Variants in COL28A1 observed in about 807,000 individuals in gnomAD.
COL28A1 encodes collagen type XXVIII alpha 1 chain.
A neutral mutation model predicts 150.2 loss-of-function variants in COL28A1; 161 were observed. The ratio of observed to expected loss-of-function variants is 1.07; its 90% CI spans 0.94 to 1.22. The LOEUF (loss-of-function observed/expected upper bound fraction) is 1.22, where lower values mean the gene tolerates loss of function less well. COL28A1 is among the 50% of genes most tolerant of loss of function. The probability of loss-of-function intolerance (pLI) is 0.00; values close to 1 mark genes in which losing one functional copy is unlikely to be tolerated. For missense variants in COL28A1, 1,617 were observed against 1,388.3 expected, an observed-to-expected ratio of 1.16 and a Z score of -2.62; for synonymous variants, 552 against 469.7, an observed-to-expected ratio of 1.18 and a Z score of -2.26.
intron 33 of COL28A1, among the ~76,000 whole-genome samples, chr7:7,362,850 G>C (rs964534354): frequency 1.3e-5 from 2 of 151,920 alleles, no homozygotes; most frequent in East Asian, 1.9e-4. Context: ...AAACTTTCTT[G>C]GTCCCTTATT....
Position 7,419,942 on chromosome 7 carries a change from C to G in COL28A1, c.2010G>C (p.Gly670=), listed in dbSNP as rs944420979. ...CAGAAGGACCTGGAGGGCCTCTGAC[C>G]CCAGGCTCTCCCTGAAAAGACACAA... is the stretch of plus-strand genomic sequence containing the variant. The part of the protein sequence containing the change: ...VGDTGAKGEP[G]VRGPPGPSGP... The change falls in exon 26 of 35, where the codon GGG becomes GGC. Residue 670 remains glycine, a synonymous_variant. Transcript: ENST00000399429. 1 of 1,589,432 alleles carries G rather than the reference C, an allele frequency of 6.3e-7. No homozygotes were observed. The highest frequency in any genetic ancestry group is 1.8e-5 in the Admixed American group (1 of 54,762).
In COL28A1 at chr7:7,357,960, C is replaced by T. The variant is rs1160439069; in HGVS notation, c.*673G>A. ...ATATTTTAATGGAAGGGTATAAAAACCTTCTTTGTTTTAACATACATTAAA... is the reference window on the plus strand; with the variant it reads ...ATATTTTAATGGAAGGGTATAAAAATCTTCTTTGTTTTAACATACATTAAA... On this transcript the variant is annotated 3_prime_UTR_variant, in exon 35 of 35. Coordinates refer to ENST00000399429, the MANE Select transcript of COL28A1 (RefSeq NM_001037763.3). The T allele has an allele frequency of 6.6e-6, 1 of 151,972 alleles. No individual in the cohort carries two copies. The highest frequency in any genetic ancestry group is 1.5e-5 in the Non-Finnish European group (1 of 68,038). The allele number at this position is 151,972 out of a possible 1,614,324, so 9.4% of individuals were successfully genotyped here. A position where few individuals can be genotyped will look rare whatever the true frequency, so the allele number is the denominator to read the frequency against.
At chr7:7,482,620 G>T (rs1181094765) in intron 13 of COL28A1, among the ~76,000 whole-genome samples, 3 of 151,434 alleles carry the variant, frequency 2.0e-5, no homozygotes, top group African/African-American at 7.3e-5. Context: ...TCCTACCTTT[G>T]TTATGATTTT....
At chr7:7,451,922 T>G (rs1254800125) in intron 18 of COL28A1, among the ~76,000 whole-genome samples, 1 of 152,194 alleles carries the variant, frequency 6.6e-6, no homozygotes, top group East Asian at 1.9e-4. Context: ...AATGGTGAAG[T>G]TGAGCGCTCA....
chr7:7,438,604 G>A (rs1372162101), intron 21 of COL28A1, among the ~76,000 whole-genome samples: 2 of 151,984 alleles, frequency 1.3e-5, no homozygotes, highest in East Asian at 3.9e-4. Context: ...TGACCCACTG[G>A]GATATAAAGA....
At chr7:7,440,194 C>T (rs375388622) in intron 21 of COL28A1, among the ~76,000 whole-genome samples, 112 of 152,334 alleles carry the variant, frequency 7.4e-4, no homozygotes, top group African/African-American at 2.6e-3. Context: ...CATAGATCCC[C>T]TACTTCCCAT....
intron 33 of COL28A1, among the ~76,000 whole-genome samples, chr7:7,364,732 C>G (rs1303852002): frequency 6.6e-6 from 1 of 152,016 alleles, no homozygotes; most frequent in African/African-American, 2.4e-5. Flanking sequence ...AAAAAAATTT[C>G]CTCCCCTCCA....
chr7:7,360,123 C>T (rs1053331274), intron 34 of COL28A1, among the ~76,000 whole-genome samples: 1 of 152,112 alleles, frequency 6.6e-6, no homozygotes, highest in African/African-American at 2.4e-5. Context: ...CCTCTAAAGG[C>T]ATTCAAATTA....
intron 15 of COL28A1, among the ~76,000 whole-genome samples, chr7:7,465,520 G>A (rs1364264944): frequency 2.9e-5 from 4 of 138,632 alleles, no homozygotes; most frequent in Non-Finnish European, 4.7e-5. Flanking sequence ...CGGCAACGAG[G>A]CTGGGGGAGG....
At chr7:7,438,945 T>G (rs1014837919) in intron 21 of COL28A1, among the ~76,000 whole-genome samples, 7 of 152,206 alleles carry the variant, frequency 4.6e-5, no homozygotes, top group African/African-American at 1.7e-4. Context: ...AAATATTTAC[T>G]ATCTGGACCT....
chr7:7,372,398 AAAATAAAT>A lies in COL28A1; in HGVS notation c.2908+592_2908+599del, dbSNP rs3067784. Among the ~76,000 whole-genome samples, 552 of 133,708 alleles carry A rather than the reference AAAATAAAT, an allele frequency of 4.1e-3. 2 individuals carry two copies. The highest frequency in any genetic ancestry group is 9.3e-3 in the African/African-American group (302 of 32,428). 87.7% of individuals were successfully genotyped at this position (133,708 alleles called of 152,430 possible). ...TGGTGACAGAGTGAGACTCCGTCTC[AAAATAAAT>A]AAATAAATAAATAAATAAATAAATA... On this transcript the variant is annotated intron_variant, in intron 32 of 34. Transcript: ENST00000399429.
chr7:7,441,405 C>T (rs1189987264), intron 20 of COL28A1, among the ~76,000 whole-genome samples: 2 of 151,698 alleles, frequency 1.3e-5, no homozygotes, highest in African/African-American at 4.8e-5. Flanking sequence ...TAGATGTTGC[C>T]CAGCAGGGTT....
chr7:7,369,486 A>G (rs1781107518), intron 33 of COL28A1, among the ~76,000 whole-genome samples: 1 of 152,268 alleles, frequency 6.6e-6, no homozygotes, highest in Admixed American at 6.5e-5. Context: ...GGCCCTTTAC[A>G]GGGTTTGCTG....
At chr7:7,428,353 A>G (rs908788142) in intron 25 of COL28A1, among the ~76,000 whole-genome samples, 15 of 152,118 alleles carry the variant, frequency 9.9e-5, no homozygotes, top group Admixed American at 9.8e-4. Context: ...GGCCTGAAAA[A>G]AGCTAAGAGA....
chr7:7,492,030 TTA>T (rs1398390795), intron 11 of COL28A1, among the ~76,000 whole-genome samples: 9 of 152,184 alleles, frequency 5.9e-5, no homozygotes, highest in African/African-American at 2.2e-4. Context: ...TGAACACTCT[TTA>T]TGTTTCAGCT....
chr7:7,522,540 T>C (rs775121563), intron 4 of COL28A1, among the ~76,000 whole-genome samples: 1 of 152,166 alleles, frequency 6.6e-6, no homozygotes, highest in Non-Finnish European at 1.5e-5. Context: ...ACAAAGTAGT[T>C]GCTTTTTGCA....
intron 27 of COL28A1, among the ~76,000 whole-genome samples, chr7:7,384,190 G>T (rs778755089): frequency 1.3e-5 from 2 of 152,268 alleles, no homozygotes; most frequent in Non-Finnish European, 2.9e-5. Context: ...TTTTCACTTT[G>T]GTATCTCTTG....
upstream of COL28A1, among the ~76,000 whole-genome samples, chr7:7,538,396 G>A (rs1349485010): frequency 1.3e-5 from 2 of 152,102 alleles, no homozygotes; most frequent in Admixed American, 6.5e-5. Flanking sequence ...TATTTTCATT[G>A]TTACTACTAT....
At chr7:7,392,526 G>A (rs1264864900) in intron 27 of COL28A1, among the ~76,000 whole-genome samples, 2 of 152,114 alleles carry the variant, frequency 1.3e-5, no homozygotes, top group Non-Finnish European at 2.9e-5. Flanking sequence ...GTCCTGTCTT[G>A]CTAGGTTGGG....
Sources: allele counts gnomAD v4.1 joint callset (sites outside exome capture counted in the v4.1 genomes callset), GRCh38; gene constraint gnomAD v4.1.1; transcripts MANE v1.5; gene names NCBI Gene and HGNC (gene_info 2026-07-23, HGNC 2026-07-21).